Variants in LIMS1 observed in about 807,000 individuals in gnomAD.
The protein encoded by LIMS1 is LIM zinc finger domain containing 1.
LIMS1 carries 18 observed loss-of-function variants against 44.1 expected under a neutral mutation model. The ratio of observed to expected loss-of-function variants is 0.41; its 90% confidence interval spans 0.28 to 0.61. The LOEUF is 0.61. Ranked by LOEUF, LIMS1 falls within the 20% of genes least tolerant of loss-of-function variation. The pLI, the probability that LIMS1 is intolerant of heterozygous loss-of-function variation, is 0.32. For synonymous variants in LIMS1, 93 were observed against 149.1 expected, an observed-to-expected ratio of 0.62 and a Z score of 2.74; for missense variants, 201 against 422.0, an observed-to-expected ratio of 0.48 and a Z score of 4.59.
chr2:108,546,230 T>C (rs973957591), intron 1 of LIMS1, among the ~76,000 whole-genome samples: 2 of 151,374 alleles, frequency 1.3e-5, no homozygotes, highest in African/African-American at 4.8e-5. Context: ...CTTTCTGACT[T>C]GGACTAGTGA....
chr2:108,606,660 A>G (rs944494868), intron 1 of LIMS1, among the ~76,000 whole-genome samples: 5 of 152,256 alleles, frequency 3.3e-5, no homozygotes, highest in Admixed American at 3.3e-4. Context: ...AACAACACAC[A>G]ATACAGCAAG....
At chr2:108,561,226 C>T (rs191331092) in intron 1 of LIMS1, among the ~76,000 whole-genome samples, 2 of 152,324 alleles carry the variant, frequency 1.3e-5, no homozygotes, top group Admixed American at 1.3e-4. Flanking sequence ...TTTCCATTCC[C>T]ACCAGCAGTG....
chr2:108,644,403 G>T (rs184892234), intron 1 of LIMS1, among the ~76,000 whole-genome samples: 2 of 152,158 alleles, frequency 1.3e-5, no homozygotes, highest in Admixed American at 6.5e-5. Context: ...CAGCAGAGGG[G>T]CCTGACTGTT....
chr2:108,685,214 A>G (rs190220826), exon 10 of LIMS1: 1 of 152,244 alleles, frequency 6.6e-6, no homozygotes, highest in Non-Finnish European at 1.5e-5. Context: ...GGTATAAATG[A>G]CACTCTTAAA....
chr2:108,629,745 G>C (rs1688789398), intron 1 of LIMS1, among the ~76,000 whole-genome samples: 1 of 152,216 alleles, frequency 6.6e-6, no homozygotes, highest in South Asian at 2.1e-4. Flanking sequence ...TTTCCCTGTG[G>C]ATTGTGGTAT....
chr2:108,665,726 A>G (rs972379280), intron 2 of LIMS1, among the ~76,000 whole-genome samples: 32 of 151,888 alleles, frequency 2.1e-4, no homozygotes, highest in African/African-American at 7.7e-4. Context: ...AGGTTTCACC[A>G]TGTTGGTCAG....
At chr2:108,565,184 G>A (rs1366589123) in intron 1 of LIMS1, among the ~76,000 whole-genome samples, 2 of 152,080 alleles carry the variant, frequency 1.3e-5, no homozygotes, top group African/African-American at 4.8e-5. Flanking sequence ...GTTGGATACC[G>A]TCTTCGTTCC....
chr2:108,534,391 CCGCCT>C (rs1348682161), exon 1 of LIMS1: 1 of 311,972 alleles, frequency 3.2e-6, no homozygotes, highest in African/African-American at 2.2e-5. Context: ...CCCGCGCGGC[CCGCCT>C]CGCCTTCCCC....
Position 108,662,974 on chromosome 2 carries a change from C to A in LIMS1, c.192+3210C>A, listed in dbSNP as rs1345535180. Among the ~76,000 whole-genome samples the A allele has an allele frequency of 2.0e-5, 3 of 152,284 alleles. No individual in the cohort carries two copies. In the East Asian group the frequency reaches 5.8e-4, roughly 29 times the overall value. On this transcript the variant is annotated intron_variant, in intron 2 of 9. Coordinates refer to ENST00000544547, the Ensembl canonical transcript of LIMS1. ...ACTTTTATGGTAGAACTTTCTGGTA[C>A]TTTGAATTAAATAGGACATTCTTCC... is the stretch of plus-strand genomic sequence containing the variant.
At chr2:108,642,521 G>A (rs1311558758) in intron 1 of LIMS1, among the ~76,000 whole-genome samples, 2 of 151,596 alleles carry the variant, frequency 1.3e-5, no homozygotes, top group Non-Finnish European at 2.9e-5. Context: ...TACCACGCCC[G>A]GCTAATTTTT....
intron 1 of LIMS1, among the ~76,000 whole-genome samples, chr2:108,547,355 A>G (rs571649575): frequency 4.5e-4 from 69 of 152,290 alleles, no homozygotes; most frequent in African/African-American, 1.5e-3. Context: ...CCCTTAGAAC[A>G]TGATGCTTAG....
intron 1 of LIMS1, among the ~76,000 whole-genome samples, chr2:108,609,633 T>C (rs982939097): frequency 6.6e-6 from 1 of 152,216 alleles, no homozygotes; most frequent in Non-Finnish European, 1.5e-5. Flanking sequence ...ATGTATTTCA[T>C]ATGATCTTGG....
In LIMS1 at chr2:108,535,600, C is replaced by T. The variant is rs1684107387; in HGVS notation, c.32+1006C>T. On this transcript the variant is annotated intron_variant, in intron 1 of 9. Transcript: ENST00000544547. ...TGGCAGATCTCAAGCTGACGCATTT[C>T]ATTAATAGCGCCGAATAACATTCGT... Among the ~76,000 whole-genome samples the T allele has an allele frequency of 4.6e-5, 7 of 152,336 alleles. No homozygotes were observed. The South Asian group carries it at 1.4e-3, about 32-fold the overall frequency.
Position 108,611,969 on chromosome 2 carries a change from CATATATAAA to C in LIMS1, c.33-47628_33-47620del, listed in dbSNP as rs1558809037. Among the ~76,000 whole-genome samples, 285 of 137,366 alleles carry C rather than the reference CATATATAAA, an allele frequency of 2.1e-3. 1 individual carries two copies. Among genetic ancestry groups the C allele is most frequent in the African/African-American group, 7.4e-3 (274 of 36,906 alleles). The allele number at this position is 137,366 out of a possible 152,430, so 90.1% of individuals were successfully genotyped here. ...TATATATACATATATTATATATACA[CATATATAAA>C]ATATATATACATATATTATATATAC... On this transcript the variant is annotated intron_variant, in intron 1 of 9. Coordinates refer to ENST00000544547, the Ensembl canonical transcript of LIMS1.
Position 108,626,958 on chromosome 2 carries a change from A to C in LIMS1, c.33-32647A>C, listed in dbSNP as rs570174715. ...ACTACAAACATGACAGTGGTCTCTT[A>C]AGATTACAAGGAAGTTGCCCTATGC... On this transcript the variant is annotated intron_variant, in intron 1 of 9. Transcript: ENST00000544547. Among the ~76,000 whole-genome samples the C allele has an allele frequency of 2.2e-3, 330 of 152,374 alleles. 3 individuals are homozygous for C. In the South Asian group the frequency reaches 0.03, roughly 14 times the overall value.
chr2:108,624,368 T>C (rs1244407674), intron 1 of LIMS1, among the ~76,000 whole-genome samples: 2 of 152,252 alleles, frequency 1.3e-5, no homozygotes, highest in Non-Finnish European at 2.9e-5. Context: ...TCAAAGTTAC[T>C]TTTTCTCTGC....
intron 2 of LIMS1, chr2:108,662,803 T>C: frequency 1.2e-6 from 1 of 842,750 alleles, no homozygotes; most frequent in Non-Finnish European, 1.4e-6. Context: ...CGCCACTCTA[T>C]ATCTTTGTTA....
At chr2:108,568,405 C>A (rs960265491) in intron 1 of LIMS1, among the ~76,000 whole-genome samples, 1 of 152,144 alleles carries the variant, frequency 6.6e-6, no homozygotes, top group Admixed American at 6.6e-5. Flanking sequence ...GTTATGTATA[C>A]CACATTTTAT....
chr2:108,627,412 T>TCA, intron 1 of LIMS1, among the ~76,000 whole-genome samples: 1 of 151,224 alleles, frequency 6.6e-6, no homozygotes, highest in African/African-American at 2.4e-5. Flanking sequence ...TTTTTTTTTT[T>TCA]TTTTTTTTGC....
Sources: gnomAD v4.1 joint callset for allele counts (sites outside exome capture counted in the v4.1 genomes callset) on GRCh38, gnomAD v4.1.1 for gene constraint, MANE v1.5 for transcripts, NCBI Gene and HGNC (gene_info 2026-07-23, HGNC 2026-07-21) for gene names.